MACROD2: variants seen among roughly 807,000 people sequenced by gnomAD.
MACROD2 encodes the protein ADP-ribose glycohydrolase MACROD2.
Under a neutral mutation model 70.4 loss-of-function variants are expected in MACROD2, and 36 were observed. The ratio of observed to expected loss-of-function variants is 0.51; its 90% CI spans 0.39 to 0.68. The LOEUF (loss-of-function observed/expected upper bound fraction) is 0.68. Among genes scored for constraint, MACROD2 ranks in the 30% least tolerant of loss-of-function variants. The pLI is 0.00. For missense variants in MACROD2, 496 were observed against 538.4 expected, an observed-to-expected ratio of 0.92 and a Z score of 0.78; for synonymous variants, 172 against 178.8, an observed-to-expected ratio of 0.96 and a Z score of 0.30.
intron 8 of MACROD2, among the ~76,000 whole-genome samples, chr20:15,789,866 G>A (rs563051984): frequency 6.6e-6 from 1 of 152,040 alleles, no homozygotes; most frequent in East Asian, 1.9e-4. Context: ...CAAAATTTGA[G>A]GAACCAAGTG....
chr20:14,740,565 T>A (rs1324326664), intron 5 of MACROD2, among the ~76,000 whole-genome samples: 1 of 152,186 alleles, frequency 6.6e-6, no homozygotes, highest in Non-Finnish European at 1.5e-5. Context: ...CATGTTTTTT[T>A]ACAGTAGATA....
chr20:15,298,284 G>A (rs2146120703), intron 6 of MACROD2, among the ~76,000 whole-genome samples: 1 of 152,140 alleles, frequency 6.6e-6, no homozygotes, highest in East Asian at 1.9e-4. Flanking sequence ...TATCTCCCTG[G>A]GCCTTGGGTT....
At chr20:15,209,107 T>C (rs1568638126) in intron 5 of MACROD2, among the ~76,000 whole-genome samples, 1 of 142,862 alleles carries the variant, frequency 7.0e-6, no homozygotes, top group Non-Finnish European at 1.5e-5. Flanking sequence ...GTGGTGGTGG[T>C]GGTGGTGGTA....
intron 3 of MACROD2, among the ~76,000 whole-genome samples, chr20:14,232,079 C>T (rs972508941): frequency 6.6e-6 from 1 of 152,144 alleles, no homozygotes; most frequent in African/African-American, 2.4e-5. Context: ...AATTTTCTCC[C>T]ATTCTATAGG....
At chr20:14,810,411 A>C (rs575385240) in intron 5 of MACROD2, among the ~76,000 whole-genome samples, 12 of 152,264 alleles carry the variant, frequency 7.9e-5, no homozygotes, top group Middle Eastern at 3.4e-3. Context: ...AAAAACTCTC[A>C]ATAAACTAGA....
intron 2 of MACROD2, among the ~76,000 whole-genome samples, chr20:14,054,148 A>G (rs2053605931): frequency 6.6e-6 from 1 of 151,016 alleles, no homozygotes; most frequent in African/African-American, 2.4e-5. Flanking sequence ...CCCCCACCAC[A>G]TTGAGTGGGG....
chr20:15,233,539 A>G (rs2076977659), intron 6 of MACROD2, among the ~76,000 whole-genome samples: 1 of 152,172 alleles, frequency 6.6e-6, no homozygotes, highest in African/African-American at 2.4e-5. Flanking sequence ...TGTTGTGGAT[A>G]AAAATTTTTA....
chr20:14,287,110 C>T (rs1391781207), intron 3 of MACROD2, among the ~76,000 whole-genome samples: 1 of 152,142 alleles, frequency 6.6e-6, no homozygotes, highest in East Asian at 1.9e-4. Flanking sequence ...TGTGTCCTAT[C>T]CTACTCTCTT....
intron 3 of MACROD2, among the ~76,000 whole-genome samples, chr20:14,153,021 T>C (rs940419309): frequency 3.9e-5 from 6 of 152,168 alleles, no homozygotes; most frequent in Middle Eastern, 3.4e-3. Context: ...AGATAAAAAA[T>C]AAATTAAATG....
At chr20:16,043,719 C>T (rs564905330) in intron 16 of MACROD2, among the ~76,000 whole-genome samples, 2 of 152,128 alleles carry the variant, frequency 1.3e-5, no homozygotes, top group South Asian at 4.1e-4. Context: ...CTACAGCAGC[C>T]GTCGGCAAGT....
intron 8 of MACROD2, among the ~76,000 whole-genome samples, chr20:15,554,355 C>G (rs2048137840): frequency 6.6e-6 from 1 of 151,860 alleles, no homozygotes; most frequent in African/African-American, 2.4e-5. Context: ...TTCTCTCTGC[C>G]CACAAAGGAC....
rs1381716832 is a variant in MACROD2 at position 15,933,341 on chromosome 20, A to G, written c.838+3A>G. ...GGAAGAGCAGAGCCAAGATGCAGGT[A>G]GGCTCAGATTTCTTTTGAGAAGTCA... On this transcript the variant is annotated splice_donor_region_variant and intron_variant, in intron 11 of 17. Coordinates refer to ENST00000684519, the MANE Select transcript of MACROD2 (RefSeq NM_001351661.2). The G allele has an allele frequency of 6.2e-7, 1 of 1,612,908 alleles. No individual in the cohort carries two copies. The highest frequency in any genetic ancestry group is 1.7e-5 in the Admixed American group (1 of 59,962).
At chr20:15,349,587 T>C (rs1285661222) in intron 6 of MACROD2, among the ~76,000 whole-genome samples, 4 of 151,876 alleles carry the variant, frequency 2.6e-5, no homozygotes, top group Non-Finnish European at 4.4e-5. Context: ...AAACCCCATC[T>C]ACACTAAAAA....
At chr20:14,956,278 C>T (rs2074536017) in intron 5 of MACROD2, among the ~76,000 whole-genome samples, 3 of 152,094 alleles carry the variant, frequency 2.0e-5, no homozygotes, top group Admixed American at 2.0e-4. Context: ...TGTAATTCAC[C>T]ACTCAATGAC....
At chr20:15,397,271 GCTTTTT>G (rs992976525) in intron 6 of MACROD2, among the ~76,000 whole-genome samples, 3 of 151,972 alleles carry the variant, frequency 2.0e-5, no homozygotes, top group African/African-American at 2.4e-5. Flanking sequence ...TTAGCTTCTT[GCTTTTT>G]CTTTTTCTTT....
At position 14,177,588 on chromosome 20, in the gene MACROD2, T is replaced by A. The variant is rs372391500; in HGVS notation, c.271+91860T>A. Among the ~76,000 whole-genome samples, 596 of 152,262 alleles carry A rather than the reference T, an allele frequency of 3.9e-3. 8 individuals carry two copies. The highest frequency in any genetic ancestry group is 0.014 in the African/African-American group (565 of 41,536). ...GCCTCGGCCTCCCAAAGTGCTGGGATTGCAGGTGTGAGCCACCACGTCAAG... is the reference window on the plus strand; with the variant it reads ...GCCTCGGCCTCCCAAAGTGCTGGGAATGCAGGTGTGAGCCACCACGTCAAG... On this transcript the variant is annotated intron_variant, in intron 3 of 17. Coordinates refer to ENST00000684519, the MANE Select transcript of MACROD2 (RefSeq NM_001351661.2).
At chr20:14,755,610 G>A (rs1452450374) in intron 5 of MACROD2, among the ~76,000 whole-genome samples, 1 of 152,048 alleles carries the variant, frequency 6.6e-6, no homozygotes, top group African/African-American at 2.4e-5. Context: ...GCTTTGGAGA[G>A]GGTCAAAATT....
At chr20:14,637,115 A>G (rs1409901283) in intron 4 of MACROD2, among the ~76,000 whole-genome samples, 1 of 152,152 alleles carries the variant, frequency 6.6e-6, no homozygotes, top group African/African-American at 2.4e-5. Context: ...GGTGGGAGGA[A>G]GGAATGGCCT....
intron 9 of MACROD2, among the ~76,000 whole-genome samples, chr20:15,867,046 A>G (rs1211842459): frequency 6.6e-6 from 1 of 152,194 alleles, no homozygotes; most frequent in Non-Finnish European, 1.5e-5. Context: ...TGGAGGCAAG[A>G]TTAATTTCTT....
Sources: allele counts gnomAD v4.1 joint callset (sites outside exome capture counted in the v4.1 genomes callset), GRCh38; gene constraint gnomAD v4.1.1; transcripts MANE v1.5; gene names NCBI Gene and HGNC (gene_info 2026-07-23, HGNC 2026-07-21).